Variants in CAPS2 observed in about 807,000 individuals in gnomAD.
The protein encoded by CAPS2 is calcyphosine 2.
A neutral mutation model predicts 86.5 loss-of-function variants in CAPS2; 98 were observed. The ratio of observed to expected loss-of-function variants is 1.13; its 90% confidence interval spans 0.96 to 1.34. The LOEUF (loss-of-function observed/expected upper bound fraction) is 1.34, where lower values mean the gene tolerates loss of function less well. CAPS2 is among the 40% of genes most tolerant of loss of function. The pLI is 0.00. For synonymous variants in CAPS2, 210 were observed against 225.1 expected (o/e 0.93, Z 0.60); for missense variants, 729 against 686.8 (o/e 1.06, Z -0.69).
chr12:75,377,504 C>T (rs865935890), intron 1 of CAPS2, among the ~76,000 whole-genome samples: 4 of 152,102 alleles, frequency 2.6e-5, no homozygotes, highest in Non-Finnish European at 4.4e-5. Context: ...AACAGAGGCC[C>T]GAGAGCCCCT....
At chr12:75,309,497 T>C (rs577130965) in intron 7 of CAPS2, among the ~76,000 whole-genome samples, 66 of 152,228 alleles carry the variant, frequency 4.3e-4, no homozygotes, top group Non-Finnish European at 9.0e-4. Flanking sequence ...CCTCTCTGGC[T>C]TTTCCTACTT....
intron 1 of CAPS2, among the ~76,000 whole-genome samples, chr12:75,341,587 C>CA (rs983581501): frequency 3.3e-5 from 5 of 151,246 alleles, no homozygotes; most frequent in African/African-American, 1.2e-4. Context: ...ACTGAGACTA[C>CA]AGGCGCCCGC....
At chr12:75,289,890 T>A in intron 13 of CAPS2, 115 bp from the exon 14 acceptor site, 1 of 733,304 alleles carries the variant, frequency 1.4e-6, no homozygotes, top group Non-Finnish European at 2.2e-6. Context: ...GGAATGTGAA[T>A]ATTCAAACAA....
At chr12:75,317,795 A>G (rs975298452) in intron 5 of CAPS2, among the ~76,000 whole-genome samples, 9 of 150,516 alleles carry the variant, frequency 6.0e-5, no homozygotes, top group Non-Finnish European at 8.8e-5. Context: ...ATCACCACAC[A>G]TAGTTACCAT....
chr12:75,306,034 G>A, intron 7 of CAPS2: 1 of 1,468,802 alleles, frequency 6.8e-7, no homozygotes, highest in South Asian at 1.3e-5. Context: ...TACTTGAAGG[G>A]CCGCGGCGCC....
chr12:75,299,834 T>C lies in CAPS2; in HGVS notation c.854+3A>G, dbSNP rs536731071. Reference sequence around the variant, plus strand: ...TTAAAAATTTTAATAAAATCACAATTACCGTGATACGATCCTACCATCAAA... The same window carrying C: ...TTAAAAATTTTAATAAAATCACAATCACCGTGATACGATCCTACCATCAAA... On this transcript the variant is annotated splice_donor_region_variant and intron_variant, in intron 9 of 16. Coordinates refer to ENST00000393284, the Ensembl canonical transcript of CAPS2. 5 of 1,441,580 alleles carry C rather than the reference T, an allele frequency of 3.5e-6. No individual in the cohort carries two copies. Among genetic ancestry groups the C allele is most frequent in the Non-Finnish European group, 4.7e-6 (5 of 1,054,638 alleles). 89.3% of individuals were successfully genotyped at this position (1,441,580 alleles called of 1,614,324 possible). A position where few individuals can be genotyped will look rare whatever the true frequency, so the allele number is the denominator to read the frequency against.
At chr12:75,298,751 C>A (rs1344560046) in exon 11 of CAPS2, 2 of 1,613,730 alleles carry the variant, frequency 1.2e-6, no homozygotes, top group East Asian at 4.5e-5. Flanking sequence ...ACTATAAATG[C>A]TTTTTTGAAT....
intron 14 of CAPS2, among the ~76,000 whole-genome samples, chr12:75,287,268 C>T (rs1217490750): frequency 6.6e-6 from 1 of 151,912 alleles, no homozygotes; most frequent in African/African-American, 2.4e-5. Context: ...CCTTCTTTCA[C>T]CTTAAGCTCC....
chr12:75,368,923 A>T (rs1201814063), intron 1 of CAPS2, among the ~76,000 whole-genome samples: 1 of 151,872 alleles, frequency 6.6e-6, no homozygotes, highest in Non-Finnish European at 1.5e-5. Flanking sequence ...TTTTATCCAC[A>T]TTTCAATGAA....
chr12:75,316,207 T>A, intron 6 of CAPS2, 105 bp downstream of exon 6: 1 of 1,384,134 alleles, frequency 7.2e-7, no homozygotes, highest in Non-Finnish European at 9.7e-7. Context: ...TTCACCCGAG[T>A]TCAAATTCAA....
At chr12:75,369,486 T>C (rs2139691253) in intron 1 of CAPS2, 68 of 967,912 alleles carry the variant, frequency 7.0e-5, no homozygotes, top group Non-Finnish European at 8.4e-5. Flanking sequence ...GATTATTTCC[T>C]AATGAAGTGC....
intron 1 of CAPS2, chr12:75,371,312 A>T: frequency 6.1e-6 from 1 of 165,090 alleles, no homozygotes; most frequent in Non-Finnish European, 1.3e-5. Flanking sequence ...AGAAAGATGA[A>T]GGCTGGAAGA....
At chr12:75,329,911 A>G, upstream of CAPS2, 1 of 1,517,140 alleles carries the variant, frequency 6.6e-7, no homozygotes, top group Non-Finnish European at 8.9e-7. Context: ...CACAAGAGAC[A>G]GTCAGCCTGA....
intron 1 of CAPS2, among the ~76,000 whole-genome samples, chr12:75,335,816 G>T (rs2041695064): frequency 6.6e-6 from 1 of 151,940 alleles, no homozygotes; most frequent in Admixed American, 6.6e-5. Context: ...CCAGCTTGGG[G>T]TTGTCCAAGG....
intron 1 of CAPS2, among the ~76,000 whole-genome samples, chr12:75,376,476 A>G (rs1341956606): frequency 6.6e-6 from 1 of 152,192 alleles, no homozygotes; most frequent in Non-Finnish European, 1.5e-5. Context: ...TCTAGAAGCA[A>G]ACAGCAGTGT....
intron 12 of CAPS2, among the ~76,000 whole-genome samples, chr12:75,292,931 T>C (rs931905570): frequency 1.3e-5 from 2 of 151,452 alleles, no homozygotes; most frequent in African/African-American, 4.8e-5. Flanking sequence ...TAGTATTGTA[T>C]TGATATCCTT....
At chr12:75,278,071 A>T in exon 17 of CAPS2, 2 of 882,864 alleles carry the variant, frequency 2.3e-6, no homozygotes, top group Non-Finnish European at 2.7e-6. Flanking sequence ...TACTTTTAGG[A>T]TCTTTGTTTA....
intron 14 of CAPS2, among the ~76,000 whole-genome samples, chr12:75,288,224 T>C (rs2035244120): frequency 6.6e-6 from 1 of 152,204 alleles, no homozygotes; most frequent in South Asian, 2.1e-4. Flanking sequence ...AGATGATCCC[T>C]AGTATGTATC....
At chr12:75,302,643 T>C (rs2037956082) in intron 8 of CAPS2, among the ~76,000 whole-genome samples, 1 of 152,130 alleles carries the variant, frequency 6.6e-6, no homozygotes, top group African/African-American at 2.4e-5. Flanking sequence ...GTGCGACAAA[T>C]ATAGTTGAAA....
Sources: allele counts gnomAD v4.1 joint callset (sites outside exome capture counted in the v4.1 genomes callset), GRCh38; gene constraint gnomAD v4.1.1; transcripts MANE v1.5; gene names NCBI Gene and HGNC (gene_info 2026-07-23, HGNC 2026-07-21).